The following APAF1 variants were observed in gnomAD, a reference collection of about 807,000 sequenced individuals.
APAF1 encodes the protein apoptotic protease-activating factor 1.
Under a neutral mutation model 152.4 loss-of-function variants are expected in APAF1, and 91 were observed. That is an observed-to-expected ratio of 0.60 (90% CI 0.50 to 0.71). APAF1 has a LOEUF of 0.71. Ranked by LOEUF, APAF1 falls within the 30% of genes least tolerant of loss-of-function variation. The pLI, the probability that APAF1 is intolerant of heterozygous loss-of-function variation, is 0.00. For synonymous variants in APAF1, 484 were observed against 494.1 expected (o/e 0.98, Z 0.27); for missense variants, 1,283 against 1,472.0 (o/e 0.87, Z 2.10).
At position 98,667,512 on chromosome 12, in the gene APAF1, G is replaced by C. The variant is rs1171935860; in HGVS notation, c.1363-1G>C. 4 of 1,613,280 alleles carry C rather than the reference G, an allele frequency of 2.5e-6. No homozygotes were observed. The African/African-American group carries it at 4.0e-5, about 16-fold the overall frequency. On this transcript the variant is annotated splice_acceptor_variant, in intron 9 of 26. Coordinates refer to ENST00000551964, the MANE Select transcript of APAF1 (RefSeq NM_181861.2). LOFTEE classifies it high-confidence loss of function. ...TTCTGAAACGTTTCATTGGGTTGCAGGATCTACATAAGAAGATAATCACTC... is the reference window on the plus strand; with the variant it reads ...TTCTGAAACGTTTCATTGGGTTGCACGATCTACATAAGAAGATAATCACTC...
chr12:98,652,926 G>A (rs1180065576), intron 4 of APAF1, among the ~76,000 whole-genome samples: 1 of 152,000 alleles, frequency 6.6e-6, no homozygotes, highest in African/African-American at 2.4e-5. Context: ...TGCTCAGCTG[G>A]TTTTAGACTT....
In APAF1 at chr12:98,683,193, A is replaced by G; in HGVS notation, c.2097A>G (p.Ser699=). The G allele has an allele frequency of 3.1e-6, 5 of 1,613,650 alleles. No individual in the cohort carries two copies. Among genetic ancestry groups the G allele is most frequent in the Non-Finnish European group, 4.2e-6 (5 of 1,179,610 alleles). ...GELVHTYDEH[S]EQVNCCHFTN... The stretch of plus-strand genomic sequence containing the variant: ...TAGTACACACCTATGATGAGCACTC[A>G]GAGCAAGTCAATTGCTGCCATTTCA... Residue 699 remains serine (S), a synonymous_variant, in exon 15 of 27, where the codon TCA becomes TCG. Transcript: ENST00000551964.
chr12:98,662,326 G>T, intron 5 of APAF1, 130 bp from the exon 6 acceptor site: 1 of 678,764 alleles, frequency 1.5e-6, no homozygotes, highest in Non-Finnish European at 2.6e-6. Context: ...CATTTTCCTA[G>T]ATCTAGCCAT....
At chr12:98,662,644 A>G in intron 6 of APAF1, 31 bp from the exon 7 acceptor site, 1 of 1,612,014 alleles carries the variant, frequency 6.2e-7, no homozygotes. Context: ...ATACCAAATT[A>G]CTTACTTTGT....
chr12:98,722,676 C>G (rs2097744646), intron 22 of APAF1, among the ~76,000 whole-genome samples: 1 of 152,162 alleles, frequency 6.6e-6, no homozygotes, highest in Admixed American at 6.5e-5. Flanking sequence ...CTTCTCACTT[C>G]CGTCATTTTG....
intron 17 of APAF1, among the ~76,000 whole-genome samples, chr12:98,700,610 A>C (rs2097714367): frequency 6.6e-6 from 1 of 152,224 alleles, no homozygotes; most frequent in Non-Finnish European, 1.5e-5. Flanking sequence ...TTTTATTGTG[A>C]TAAAATGCAT....
intron 5 of APAF1, among the ~76,000 whole-genome samples, chr12:98,659,567 C>T (rs1297269119): frequency 6.6e-6 from 1 of 152,002 alleles, no homozygotes; most frequent in Non-Finnish European, 1.5e-5. Context: ...GCCTGACTAA[C>T]ATGGTGAAAC....
chr12:98,721,052 T>C (rs375812429), intron 22 of APAF1, among the ~76,000 whole-genome samples: 2 of 152,194 alleles, frequency 1.3e-5, no homozygotes, highest in East Asian at 3.8e-4. Flanking sequence ...CAAGTATATA[T>C]ACATTGCAAA....
intron 1 of APAF1, among the ~76,000 whole-genome samples, chr12:98,646,387 A>G (rs1487497959): frequency 6.6e-6 from 1 of 152,268 alleles, no homozygotes; most frequent in East Asian, 1.9e-4. Flanking sequence ...GGCATTTTGT[A>G]AGCCTTGACA....
intron 4 of APAF1, among the ~76,000 whole-genome samples, chr12:98,653,688 A>ATATAT (rs58969166): frequency 1.4e-4 from 9 of 63,896 alleles, no homozygotes; most frequent in Non-Finnish European, 2.8e-4. Context: ...AAAAAAAAAA[A>ATATAT]AAAATATATA....
At chr12:98,649,792 C>T (rs1489512575) in intron 4 of APAF1, 108 bp downstream of exon 4, 3 of 1,074,764 alleles carry the variant, frequency 2.8e-6, no homozygotes, top group Non-Finnish European at 2.8e-6. Context: ...GTATAAGGTA[C>T]AGAGTTAGAA....
intron 5 of APAF1, among the ~76,000 whole-genome samples, chr12:98,661,559 C>T (rs930953223): frequency 2.0e-5 from 3 of 151,888 alleles, no homozygotes; most frequent in Non-Finnish European, 4.4e-5. Flanking sequence ...TCACTGCAAC[C>T]TCTGCCTCCC....
Position 98,665,867 on chromosome 12 carries a change from C to G in APAF1, c.1194+76C>G, listed in dbSNP as rs111643962. On this transcript the variant is annotated intron_variant, in intron 8 of 26. Coordinates refer to ENST00000551964, the MANE Select transcript of APAF1 (RefSeq NM_181861.2). ...TGATATAGTACTGAGCATGTTGTTA[C>G]AGAGAACCTTGGAAGGATAAGACCC... The G allele has an allele frequency of 1.4e-4, 186 of 1,297,968 alleles. 1 individual carries two copies. In the African/African-American group the frequency reaches 2.3e-3, roughly 16 times the overall value. 80.4% of individuals were successfully genotyped at this position (1,297,968 alleles called of 1,614,324 possible).
intron 21 of APAF1, among the ~76,000 whole-genome samples, chr12:98,714,440 T>C (rs1057097541): frequency 1.3e-5 from 2 of 152,232 alleles, no homozygotes; most frequent in African/African-American, 4.8e-5. Flanking sequence ...TCTCATTGAA[T>C]TCTTATAACA....
At chr12:98,682,057 T>TG (rs935238077) in intron 14 of APAF1, among the ~76,000 whole-genome samples, 1 of 148,914 alleles carries the variant, frequency 6.7e-6, no homozygotes, top group African/African-American at 2.5e-5. Flanking sequence ...TTTTTGTTTT[T>TG]TTTTTTTTTT....
Position 98,710,179 on chromosome 12 carries a change from GTT to G in APAF1, c.2841+1493_2841+1494del, listed in dbSNP as rs71443529. On this transcript the variant is annotated intron_variant, in intron 20 of 26. Transcript: ENST00000551964. ...GTGAGCCACCGTGCCCGGCCTAAGG[GTT>G]TTTTTTTTTTTTTTTTTGTATTTTT... Among the ~76,000 whole-genome samples, 124 of 127,704 alleles carry G rather than the reference GTT, an allele frequency of 9.7e-4. 1 individual carries two copies. The highest frequency in any genetic ancestry group is 2.1e-3 in the African/African-American group (71 of 33,406). The allele number at this position is 127,704 out of a possible 152,430, so 83.8% of individuals were successfully genotyped here.
At chr12:98,652,948 A>T (rs1246160574) in intron 4 of APAF1, among the ~76,000 whole-genome samples, 1 of 151,938 alleles carries the variant, frequency 6.6e-6, no homozygotes, top group Non-Finnish European at 1.5e-5. Context: ...TAAATACCTT[A>T]TTTTAATTTG....
intron 11 of APAF1, 149 bp from the exon 12 acceptor site, chr12:98,671,386 T>A: frequency 1.3e-6 from 1 of 747,758 alleles, no homozygotes; most frequent in Non-Finnish European, 2.3e-6. Context: ...AGGATTACTA[T>A]ATATTTGTTA....
In APAF1 at chr12:98,706,484, G is replaced by A; in HGVS notation, c.2596-1G>A. On this transcript the variant is annotated splice_acceptor_variant, in intron 18 of 26. Coordinates refer to ENST00000551964, the MANE Select transcript of APAF1 (RefSeq NM_181861.2). LOFTEE classifies it high-confidence loss of function. ...TCCTATATGCTGTGTTTATTCTGTA[G>A]TTGTGGAATACAGACTCACGTTCAA... 6.2e-7 allele frequency: 1 copy of A among 1,613,924 alleles called. No individual in the cohort carries two copies.
Sources: gnomAD v4.1 joint callset for allele counts (sites outside exome capture counted in the v4.1 genomes callset) on GRCh38, gnomAD v4.1.1 for gene constraint, MANE v1.5 for transcripts, NCBI Gene and HGNC (gene_info 2026-07-23, HGNC 2026-07-21) for gene names.